The following CDH8 variants were observed in gnomAD, a reference collection of about 807,000 sequenced individuals.
CDH8 encodes the protein cadherin 8, also known as cadherin-8.
CDH8 carries 17 observed loss-of-function variants against 68.1 expected under a neutral mutation model. That is an observed-to-expected ratio of 0.25 (90% confidence interval 0.17 to 0.37). The LOEUF (loss-of-function observed/expected upper bound fraction) is 0.37. Among genes scored for constraint, CDH8 ranks in the 10% least tolerant of loss-of-function variants. The pLI is 1.00. For missense variants in CDH8, 763 were observed against 999.3 expected (o/e 0.76, Z 3.19); for synonymous variants, 372 against 365.1 (o/e 1.02, Z -0.21).
At position 61,923,429 on chromosome 16, in the gene CDH8, A is replaced by G. The variant is rs184524679; in HGVS notation, c.253-21956T>C. On this transcript the variant is annotated intron_variant, in intron 2 of 11. Coordinates refer to ENST00000577390, the MANE Select transcript of CDH8 (RefSeq NM_001796.5). The stretch of plus-strand genomic sequence containing the variant: ...AACTTTTGCCATTAATAACCAATAC[A>G]AGTAGCAGCATAACGTTTGGGAAAA... Among the ~76,000 whole-genome samples the G allele has an allele frequency of 1.7e-3, 259 of 152,234 alleles. 3 individuals carry two copies. Among genetic ancestry groups the G allele is most frequent in the African/African-American group, 5.5e-3 (227 of 41,556 alleles).
chr16:61,843,813 C>T (rs1962739552), intron 4 of CDH8, among the ~76,000 whole-genome samples: 1 of 152,176 alleles, frequency 6.6e-6, no homozygotes, highest in South Asian at 2.1e-4. Flanking sequence ...GCCACACTGA[C>T]TTCCACAATG....
chr16:61,950,778 A>C (rs529706974), intron 2 of CDH8, among the ~76,000 whole-genome samples: 1 of 152,318 alleles, frequency 6.6e-6, no homozygotes, highest in South Asian at 2.1e-4. Flanking sequence ...TACCCTTTGC[A>C]AACTAATGCA....
In CDH8 at chr16:61,718,099, G is replaced by C. The variant is rs144017040; in HGVS notation, c.1537-4141C>G. Among the ~76,000 whole-genome samples the C allele has an allele frequency of 7.7e-3, 1,166 of 151,376 alleles. 5 individuals carry two copies. Among genetic ancestry groups the C allele is most frequent in the Middle Eastern group, 0.024 (7 of 294 alleles). On this transcript the variant is annotated intron_variant, in intron 9 of 11. Transcript: ENST00000577390. ...TGCACCCATTGCCCTCAATATGCCA[G>C]GCGTCCTCAAAACCTTGTAGATATT...
rs201100815 is a variant in CDH8, at chr16:61,653,709, A to C, written c.2299T>G (p.Ser767Ala). 2.2e-4 allele frequency: 350 copies of C among 1,614,018 alleles called. 1 individual carries two copies. The highest frequency in any genetic ancestry group is 4.9e-4 in the Middle Eastern group (3 of 6,084). The change falls in exon 12 of 12, where the codon TCA (serine) becomes GCA (alanine). Residue 767 changes from serine to alanine, a missense_variant. Physicochemically the swap from Ser to Ala is moderately conservative, Grantham distance 99. Coordinates refer to ENST00000577390, the MANE Select transcript of CDH8 (RefSeq NM_001796.5). ...GSLSSLESTT[S>A]DSDQNFDYLS... ...TAGTCAAAATTCTGGTCTGAGTCTG[A>C]TGTGGTGGACTCCAAGGAGCTGAGG...
chr16:61,672,255 G>A lies in CDH8; in HGVS notation c.1655-16534C>T, dbSNP rs1035303773. Reference sequence around the variant, plus strand: ...CTTAACAAATCCAGAGAATTTTAGGGAATTTGTTCCCTTTCAAAATTCTGA... The same window carrying A: ...CTTAACAAATCCAGAGAATTTTAGGAAATTTGTTCCCTTTCAAAATTCTGA... On this transcript the variant is annotated intron_variant, in intron 10 of 11. Transcript: ENST00000577390. Among the ~76,000 whole-genome samples the A allele has an allele frequency of 3.3e-5, 5 of 151,922 alleles. No homozygotes were observed. In the South Asian group the frequency reaches 6.2e-4, roughly 19 times the overall value.
chr16:61,807,657 G>T (rs921678104), intron 7 of CDH8, among the ~76,000 whole-genome samples: 1 of 152,118 alleles, frequency 6.6e-6, no homozygotes, highest in Non-Finnish European at 1.5e-5. Context: ...ACAGCCTCCA[G>T]CTATCCACTA....
chr16:61,766,567 G>A (rs1479525365), intron 8 of CDH8, among the ~76,000 whole-genome samples: 1 of 151,888 alleles, frequency 6.6e-6, no homozygotes, highest in Admixed American at 6.6e-5. Context: ...TCTCCATATT[G>A]TTTTCCATAG....
intron 7 of CDH8, among the ~76,000 whole-genome samples, chr16:61,795,432 T>C (rs1961473784): frequency 6.6e-6 from 1 of 152,044 alleles, no homozygotes; most frequent in Non-Finnish European, 1.5e-5. Context: ...ACATTGAAAC[T>C]CTCAGGTTGG....
At chr16:61,920,374 C>T (rs1306307221) in intron 2 of CDH8, among the ~76,000 whole-genome samples, 82 of 146,952 alleles carry the variant, frequency 5.6e-4, no homozygotes, top group African/African-American at 1.8e-3. Flanking sequence ...GGCTAATATC[C>T]GGAATCTACA....
intron 2 of CDH8, among the ~76,000 whole-genome samples, chr16:61,990,967 GAA>G (rs377164031): frequency 4.2e-3 from 638 of 150,194 alleles, no homozygotes; most frequent in African/African-American, 0.014. Context: ...AAGAAAGAAA[GAA>G]AGAGAAAGAA....
chr16:61,732,635 C>T (rs1242491320), intron 8 of CDH8, among the ~76,000 whole-genome samples: 3 of 151,556 alleles, frequency 2.0e-5, no homozygotes, highest in East Asian at 1.9e-4. Context: ...TAAATTCTTC[C>T]GTTGAAAACA....
chr16:61,742,410 T>A (rs1043968919), intron 8 of CDH8, among the ~76,000 whole-genome samples: 1 of 152,094 alleles, frequency 6.6e-6, no homozygotes, highest in Non-Finnish European at 1.5e-5. Flanking sequence ...GGTAGACAAC[T>A]TCATCTCATT....
At chr16:61,954,700 CAAA>C (rs35839753) in intron 2 of CDH8, among the ~76,000 whole-genome samples, 8 of 68,322 alleles carry the variant, frequency 1.2e-4, no homozygotes, top group Admixed American at 1.6e-4. Flanking sequence ...GACTCCATCT[CAAA>C]AAAAAAAAAA....
intron 2 of CDH8, among the ~76,000 whole-genome samples, chr16:61,981,120 C>T (rs1230733521): frequency 1.3e-5 from 2 of 152,136 alleles, no homozygotes; most frequent in African/African-American, 4.8e-5. Flanking sequence ...CACATAGAAA[C>T]AACTTATGAA....
chr16:61,992,077 T>TGTGTGTGTGAGTGA lies in CDH8; in HGVS notation c.252+29074_252+29075insTCACTCACACACAC, dbSNP rs34925928. Among the ~76,000 whole-genome samples the TGTGTGTGTGAGTGA allele has an allele frequency of 4.9e-5, 7 of 144,124 alleles. No individual in the cohort carries two copies. In the East Asian group the frequency reaches 1.5e-3, roughly 31 times the overall value. 94.6% of individuals were successfully genotyped at this position (144,124 alleles called of 152,430 possible). Reference sequence around the variant, plus strand: ...GTGTGTGTGTGTGTGTGTGTGTGTGTGAGAGAGAGAGAGAGATTTTTACAG... The same window carrying TGTGTGTGTGAGTGA: ...GTGTGTGTGTGTGTGTGTGTGTGTGTGTGTGTGTGAGTGAGAGAGAGAGAGAGAGATTTTTACAG... On this transcript the variant is annotated intron_variant, in intron 2 of 11. Coordinates refer to ENST00000577390, the MANE Select transcript of CDH8 (RefSeq NM_001796.5).
chr16:61,792,424 C>T (rs1388517167), intron 7 of CDH8, among the ~76,000 whole-genome samples: 2 of 151,916 alleles, frequency 1.3e-5, no homozygotes. Flanking sequence ...ATTTTATTGC[C>T]TAGTAGACTT....
intron 2 of CDH8, among the ~76,000 whole-genome samples, chr16:61,997,777 G>A (rs1015061230): frequency 1.3e-5 from 2 of 152,050 alleles, no homozygotes; most frequent in South Asian, 2.1e-4. Flanking sequence ...TGTTAAAAAC[G>A]CCTAACTTGT....
At chr16:61,950,399 A>G (rs1229154709) in intron 2 of CDH8, among the ~76,000 whole-genome samples, 1 of 152,220 alleles carries the variant, frequency 6.6e-6, no homozygotes, top group Non-Finnish European at 1.5e-5. Flanking sequence ...GATGTGCATA[A>G]GAGTTCAATA....
intron 8 of CDH8, among the ~76,000 whole-genome samples, chr16:61,776,743 A>G (rs972309910): frequency 5.3e-5 from 8 of 152,238 alleles, no homozygotes; most frequent in Admixed American, 1.3e-4. Context: ...TGATATTAGC[A>G]TTGACATTAT....
Sources: gnomAD v4.1 joint callset for allele counts (sites outside exome capture counted in the v4.1 genomes callset) on GRCh38, gnomAD v4.1.1 for gene constraint, MANE v1.5 for transcripts, NCBI Gene and HGNC (gene_info 2026-07-23, HGNC 2026-07-21) for gene names.